Variants in DNER observed in about 807,000 individuals in gnomAD.
DNER encodes delta/notch like EGF repeat containing, also known as delta and Notch-like epidermal growth factor-related receptor.
A neutral mutation model predicts 78.2 loss-of-function variants in DNER; 33 were observed. The observed-to-expected ratio is 0.42, with a 90% CI of 0.32 to 0.56. DNER has a LOEUF of 0.56. Ranked by LOEUF, DNER falls within the 20% of genes least tolerant of loss-of-function variation. The pLI, the probability that DNER is intolerant of heterozygous loss-of-function variation, is 0.11. For synonymous variants in DNER, 417 were observed against 384.8 expected (o/e 1.08, Z -0.98); for missense variants, 918 against 975.3 (o/e 0.94, Z 0.78).
At chr2:229,501,101 T>C (rs6750972) in intron 6 of DNER, among the ~76,000 whole-genome samples, 5,131 of 151,722 alleles carry the variant, frequency 0.034, 131 homozygotes, top group Middle Eastern at 0.058. Context: ...CTCATAGAAG[T>C]AGAGAGAATG....
At chr2:229,426,345 G>A (rs1693877050) in intron 8 of DNER, among the ~76,000 whole-genome samples, 1 of 150,668 alleles carries the variant, frequency 6.6e-6, no homozygotes, top group African/African-American at 2.5e-5. Context: ...AGAGGCTGAG[G>A]CAGGAGAATG....
At chr2:229,471,373 T>C (rs1191602983) in intron 7 of DNER, among the ~76,000 whole-genome samples, 1 of 152,106 alleles carries the variant, frequency 6.6e-6, no homozygotes, top group Non-Finnish European at 1.5e-5. Context: ...AAAATAGTTT[T>C]GTAAATGCTT....
rs575586196 is a variant in DNER, at chr2:229,540,569, A to T, written c.993+6378T>A. ...TAGAACAAGGACAGTGGGTATTATC[A>T]AGCAATGGACAAAGTAACTGGTTCG... is the stretch of plus-strand genomic sequence containing the variant. On this transcript the variant is annotated intron_variant, in intron 5 of 12. Coordinates refer to ENST00000341772, the MANE Select transcript of DNER (RefSeq NM_139072.4). Among the ~76,000 whole-genome samples the T allele has an allele frequency of 3.3e-5, 5 of 152,354 alleles. No homozygotes were observed. In the East Asian group the frequency reaches 9.6e-4, roughly 29 times the overall value.
intron 10 of DNER, among the ~76,000 whole-genome samples, chr2:229,388,877 A>G (rs917028326): frequency 2.0e-5 from 3 of 151,806 alleles, no homozygotes; most frequent in Non-Finnish European, 4.4e-5. Flanking sequence ...ACAGTTCGTG[A>G]TTATTCTGTA....
chr2:229,381,586 G>A (rs923082202), intron 11 of DNER, among the ~76,000 whole-genome samples: 3 of 152,242 alleles, frequency 2.0e-5, no homozygotes, highest in South Asian at 2.1e-4. Flanking sequence ...CTGAAGCTTG[G>A]TGGGGGGAGG....
chr2:229,365,007 C>T lies in DNER; in HGVS notation c.2102+1866G>A, dbSNP rs567945291. On this transcript the variant is annotated intron_variant, in intron 12 of 12. Coordinates refer to ENST00000341772, the MANE Select transcript of DNER (RefSeq NM_139072.4). Reference sequence around the variant, plus strand: ...CTGGGATTACAGTGCTTATCTTTGTCGTTGCTGTTATGATACATTTAGGTA... The same window carrying T: ...CTGGGATTACAGTGCTTATCTTTGTTGTTGCTGTTATGATACATTTAGGTA... Among the ~76,000 whole-genome samples the T allele has an allele frequency of 4.6e-5, 7 of 151,902 alleles. No individual in the cohort carries two copies. The South Asian group carries it at 6.3e-4, about 14-fold the overall frequency.
intron 8 of DNER, among the ~76,000 whole-genome samples, chr2:229,427,502 C>G (rs1166326025): frequency 6.6e-6 from 1 of 152,122 alleles, no homozygotes; most frequent in Non-Finnish European, 1.5e-5. Context: ...ATCAATCATT[C>G]AAGTCAATGG....
At chr2:229,645,174 T>C (rs1206365705) in intron 1 of DNER, among the ~76,000 whole-genome samples, 1 of 152,144 alleles carries the variant, frequency 6.6e-6, no homozygotes, top group Non-Finnish European at 1.5e-5. Flanking sequence ...ATTTTTTTTA[T>C]TTGTATTTTT....
chr2:229,549,455 G>T (rs1049498008), intron 4 of DNER, among the ~76,000 whole-genome samples: 2 of 152,134 alleles, frequency 1.3e-5, no homozygotes, highest in Non-Finnish European at 2.9e-5. Context: ...ACAGGCACCT[G>T]CCATCACACC....
chr2:229,714,380 G>C lies in DNER; in HGVS notation c.44C>G (p.Pro15Arg). The stretch of plus-strand genomic sequence containing the variant: ...CAGCAGCAGCAGCAGGGCCAGCGCG[G>C]GCAGCAGCTGCGCACCGGGCGCCTG... ...RAQAPGAQLLPALALLLLLLG... is the reference protein window; with the variant it reads ...RAQAPGAQLLRALALLLLLLG... The change falls in exon 1 of 13, where the codon CCC (proline) becomes CGC (arginine). Residue 15 changes from proline (P) to arginine (R), a missense_variant. Pro to Arg is a moderately radical substitution (Grantham distance 103). Coordinates refer to ENST00000341772, the MANE Select transcript of DNER (RefSeq NM_139072.4). 2.5e-6 allele frequency: 3 copies of C among 1,208,408 alleles called. No homozygotes were observed. Among genetic ancestry groups the C allele is most frequent in the Non-Finnish European group, 3.1e-6 (3 of 976,006 alleles). 74.9% of individuals were successfully genotyped at this position (1,208,408 alleles called of 1,614,324 possible).
intron 1 of DNER, among the ~76,000 whole-genome samples, chr2:229,616,455 T>C (rs1299076406): frequency 6.6e-6 from 1 of 152,186 alleles, no homozygotes; most frequent in Non-Finnish European, 1.5e-5. Flanking sequence ...ACTTCTGATC[T>C]AGGGTGATGA....
intron 7 of DNER, among the ~76,000 whole-genome samples, chr2:229,467,481 G>T (rs1209235536): frequency 6.6e-6 from 1 of 152,140 alleles, no homozygotes; most frequent in Non-Finnish European, 1.5e-5. Context: ...TTGGGCCTGG[G>T]TCTCTCTGTA....
At chr2:229,459,772 A>C (rs951128868) in intron 7 of DNER, among the ~76,000 whole-genome samples, 1 of 151,710 alleles carries the variant, frequency 6.6e-6, no homozygotes, top group African/African-American at 2.4e-5. Context: ...TCAGCTGGGC[A>C]TGGTGGTGTG....
intron 1 of DNER, among the ~76,000 whole-genome samples, chr2:229,674,247 T>C (rs534448551): frequency 7.9e-5 from 12 of 152,308 alleles, no homozygotes; most frequent in African/African-American, 2.9e-4. Context: ...GTGTCACCCA[T>C]TTCTGGATGT....
chr2:229,629,509 A>G (rs1183250503), intron 1 of DNER, among the ~76,000 whole-genome samples: 1 of 152,198 alleles, frequency 6.6e-6, no homozygotes, highest in Non-Finnish European at 1.5e-5. Flanking sequence ...CAGCCAAGTT[A>G]GCAACTCCAG....
intron 5 of DNER, among the ~76,000 whole-genome samples, chr2:229,527,397 T>G (rs775733101): frequency 1.3e-5 from 2 of 152,234 alleles, no homozygotes; most frequent in Non-Finnish European, 2.9e-5. Context: ...ATTCTCACTT[T>G]CACTGAAACC....
chr2:229,602,116 A>G (rs1250766745), intron 1 of DNER, among the ~76,000 whole-genome samples: 1 of 152,026 alleles, frequency 6.6e-6, no homozygotes, highest in Non-Finnish European at 1.5e-5. Context: ...CATACATCCT[A>G]TCAAACTTTT....
At position 229,684,226 on chromosome 2, in the gene DNER, G is replaced by A. The variant is rs527834475; in HGVS notation, c.276+29922C>T. Among the ~76,000 whole-genome samples, 7 of 148,372 alleles carry A rather than the reference G, an allele frequency of 4.7e-5. No individual in the cohort carries two copies. The East Asian group carries it at 1.4e-3, about 30-fold the overall frequency. On this transcript the variant is annotated intron_variant, in intron 1 of 12. Coordinates refer to ENST00000341772, the MANE Select transcript of DNER (RefSeq NM_139072.4). ...TGTGTGTGTGTTGGGGCTAAGGAAA[G>A]GCACAGTGTCAGGCAGGGCTTCCAA...
chr2:229,634,124 T>A (rs1257205670), intron 1 of DNER, among the ~76,000 whole-genome samples: 1 of 152,182 alleles, frequency 6.6e-6, no homozygotes, highest in Non-Finnish European at 1.5e-5. Context: ...GAAGGCAGCT[T>A]AAGGAGGCAG....
Sources: gnomAD v4.1 joint callset for allele counts (sites outside exome capture counted in the v4.1 genomes callset) on GRCh38, gnomAD v4.1.1 for gene constraint, MANE v1.5 for transcripts, NCBI Gene and HGNC (gene_info 2026-07-23, HGNC 2026-07-21) for gene names.